SKAP1: variants seen among roughly 807,000 people sequenced by gnomAD.
SKAP1 encodes the protein src kinase associated phosphoprotein 1.
Under a neutral mutation model 58.5 loss-of-function variants are expected in SKAP1, and 44 were observed. The observed-to-expected ratio is 0.75, with a 90% confidence interval of 0.59 to 0.97. The LOEUF is 0.97. Ranked by LOEUF, SKAP1 falls within the 50% of genes least tolerant of loss-of-function variation. SKAP1 has a pLI of 0.00. For missense variants in SKAP1, 390 were observed against 435.2 expected, an observed-to-expected ratio of 0.90 and a Z score of 0.92; for synonymous variants, 127 against 149.7, an observed-to-expected ratio of 0.85 and a Z score of 1.11.
chr17:48,140,778 CT>C (rs35573297), intron 11 of SKAP1, among the ~76,000 whole-genome samples: 74,435 of 137,812 alleles, frequency 0.54, 20,571 homozygotes, highest in East Asian at 0.73. Flanking sequence ...TCTTCTTCTT[CT>C]TTTTTTTTTT....
chr17:48,154,352 T>C (rs1467000974), intron 11 of SKAP1, among the ~76,000 whole-genome samples: 1 of 152,208 alleles, frequency 6.6e-6, no homozygotes, highest in Non-Finnish European at 1.5e-5. Flanking sequence ...TGACTTTGTC[T>C]GTATGGCTCC....
At chr17:48,416,554 C>T (rs1598679602) in intron 1 of SKAP1, among the ~76,000 whole-genome samples, 3 of 152,304 alleles carry the variant, frequency 2.0e-5, no homozygotes, top group African/African-American at 7.2e-5. Flanking sequence ...TGGGCTATGC[C>T]TAACCACCTT....
chr17:48,221,043 C>T (rs896081684), intron 4 of SKAP1, among the ~76,000 whole-genome samples: 8 of 151,806 alleles, frequency 5.3e-5, no homozygotes, highest in Admixed American at 1.3e-4. Context: ...CCAAGGCAGG[C>T]GGATAACGAG....
At chr17:48,346,265 G>A (rs373917705) in intron 3 of SKAP1, among the ~76,000 whole-genome samples, 2 of 152,242 alleles carry the variant, frequency 1.3e-5, no homozygotes, top group East Asian at 3.9e-4. Context: ...AGCTTATAGT[G>A]GGAATACCTC....
intron 1 of SKAP1, among the ~76,000 whole-genome samples, chr17:48,422,947 A>AT (rs1217850933): frequency 1.3e-5 from 2 of 152,248 alleles, no homozygotes; most frequent in Non-Finnish European, 2.9e-5. Context: ...CAGAGAGAGC[A>AT]TATCAGGAGT....
At chr17:48,270,233 T>C (rs1320373324) in intron 4 of SKAP1, among the ~76,000 whole-genome samples, 1 of 152,260 alleles carries the variant, frequency 6.6e-6, no homozygotes, top group Non-Finnish European at 1.5e-5. Context: ...TCAGTATTTG[T>C]GACTTTTCTT....
chr17:48,271,608 T>C (rs1469306581), intron 4 of SKAP1, among the ~76,000 whole-genome samples: 6 of 152,122 alleles, frequency 3.9e-5, no homozygotes, highest in Non-Finnish European at 4.4e-5. Context: ...GCAGTCTTCC[T>C]GCCTCAGCCT....
chr17:48,140,039 A>T (rs1468741701), intron 11 of SKAP1, among the ~76,000 whole-genome samples: 1 of 152,180 alleles, frequency 6.6e-6, no homozygotes, highest in Non-Finnish European at 1.5e-5. Context: ...CAACCATTAA[A>T]TAGCTGCCAC....
At chr17:48,313,428 C>T (rs2066250705) in intron 4 of SKAP1, among the ~76,000 whole-genome samples, 1 of 152,090 alleles carries the variant, frequency 6.6e-6, no homozygotes, top group African/African-American at 2.4e-5. Flanking sequence ...TCATAGAACA[C>T]TTTCAGTCTT....
intron 10 of SKAP1, among the ~76,000 whole-genome samples, chr17:48,163,452 AG>A (rs2064096382): frequency 6.6e-6 from 1 of 152,204 alleles, no homozygotes; most frequent in Admixed American, 6.5e-5. Context: ...TAAACACTAG[AG>A]TACAAAGTGG....
intron 2 of SKAP1, among the ~76,000 whole-genome samples, chr17:48,369,841 T>A (rs559057173): frequency 3.0e-4 from 45 of 152,280 alleles, no homozygotes; most frequent in Non-Finnish European, 5.1e-4. Context: ...GGACCTCTAA[T>A]GAGAAACTAA....
intron 4 of SKAP1, among the ~76,000 whole-genome samples, chr17:48,263,324 C>T (rs991243047): frequency 3.3e-5 from 5 of 152,204 alleles, no homozygotes; most frequent in Non-Finnish European, 7.3e-5. Flanking sequence ...ACTGAAACTA[C>T]TTCCATTCCC....
Position 48,211,466 on chromosome 17 carries a change from C to T in SKAP1, c.281-21966G>A, listed in dbSNP as rs547110501. ...ATAAATTGTTTCAGCCAACTCTCAA[C>T]GGAGGGACAACCAGGACAAAACATC... is the stretch of plus-strand genomic sequence containing the variant. On this transcript the variant is annotated intron_variant, in intron 4 of 12. Coordinates refer to ENST00000336915, the MANE Select transcript of SKAP1 (RefSeq NM_003726.4). Among the ~76,000 whole-genome samples the T allele has an allele frequency of 3.9e-4, 60 of 152,214 alleles. 1 individual carries two copies. Among genetic ancestry groups the T allele is most frequent in the East Asian group, 2.3e-3 (12 of 5,184 alleles).
the SKAP1 span, among the ~76,000 whole-genome samples, chr17:48,436,409 G>A: frequency 6.6e-6 from 1 of 151,896 alleles, no homozygotes; most frequent in East Asian, 1.9e-4. Context: ...AATATCCCTG[G>A]ACTCCCATTC....
intron 9 of SKAP1, among the ~76,000 whole-genome samples, chr17:48,178,544 G>T (rs1195854554): frequency 6.6e-6 from 1 of 152,186 alleles, no homozygotes; most frequent in East Asian, 1.9e-4. Context: ...TCTCAGAGGA[G>T]CTGTGTTTTA....
chr17:48,286,359 G>A (rs941429798), intron 4 of SKAP1, among the ~76,000 whole-genome samples: 5 of 152,166 alleles, frequency 3.3e-5, no homozygotes, highest in Non-Finnish European at 5.9e-5. Flanking sequence ...TATTGTGCAA[G>A]TATAAATTAT....
chr17:48,204,993 CTTTCTTTCTTTCTTTCTTTCT>C (rs2064783648), intron 4 of SKAP1, among the ~76,000 whole-genome samples: 1 of 52,078 alleles, frequency 1.9e-5, no homozygotes, highest in Non-Finnish European at 3.6e-5. Flanking sequence ...TTCTTTCTTT[CTTTCTTTCTTTCTTTCTTTCT>C]TTTTCTTTCT....
intron 1 of SKAP1, among the ~76,000 whole-genome samples, chr17:48,407,723 G>A (rs570099515): frequency 1.3e-5 from 2 of 152,164 alleles, no homozygotes; most frequent in East Asian, 1.9e-4. Flanking sequence ...GCATGGTGGC[G>A]CATGTCTGTA....
intron 12 of SKAP1, among the ~76,000 whole-genome samples, 169 bp from the exon 13 acceptor site, chr17:48,133,985 T>C (rs765397205): frequency 1.3e-5 from 2 of 152,196 alleles, no homozygotes; most frequent in Non-Finnish European, 2.9e-5. Flanking sequence ...CATACAAATA[T>C]AAACAAATAG....
Sources: allele counts gnomAD v4.1 joint callset (sites outside exome capture counted in the v4.1 genomes callset), GRCh38; gene constraint gnomAD v4.1.1; transcripts MANE v1.5; gene names NCBI Gene and HGNC (gene_info 2026-07-23, HGNC 2026-07-21).